The following TTC12 variants were observed in gnomAD, a reference collection of about 807,000 sequenced individuals.
TTC12 encodes the protein tetratricopeptide repeat domain 12, also known as tetratricopeptide repeat protein 12.
In TTC12, 70 loss-of-function variants were observed where a neutral mutation model predicts 90.1. The ratio of observed to expected loss-of-function variants is 0.78; its 90% CI spans 0.64 to 0.95. TTC12 has a LOEUF of 0.95. Among genes scored for constraint, TTC12 ranks in the 40% least tolerant of loss-of-function variants. The pLI is 0.00. For missense variants in TTC12, 819 were observed against 846.1 expected, an observed-to-expected ratio of 0.97 and a Z score of 0.40; for synonymous variants, 296 against 311.5, an observed-to-expected ratio of 0.95 and a Z score of 0.53.
At chr11:113,370,955 C>G (rs936519310), downstream of TTC12, among the ~76,000 whole-genome samples, 1 of 152,134 alleles carries the variant, frequency 6.6e-6, no homozygotes, top group Non-Finnish European at 1.5e-5. Flanking sequence ...GCAACAAGCA[C>G]ACACATACAC....
At chr11:113,336,798 C>G (rs1392562789) in intron 8 of TTC12, among the ~76,000 whole-genome samples, 1 of 152,106 alleles carries the variant, frequency 6.6e-6, no homozygotes, top group Non-Finnish European at 1.5e-5. Context: ...AACTTTGTTC[C>G]TCTACTTTTT....
At chr11:113,341,678 G>T in intron 11 of TTC12, 159 bp from the exon 12 acceptor site, 1 of 639,054 alleles carries the variant, frequency 1.6e-6, no homozygotes, top group Non-Finnish European at 2.8e-6. Flanking sequence ...GGGACTCATG[G>T]TTCCGTGATT....
intron 2 of TTC12, among the ~76,000 whole-genome samples, chr11:113,322,073 A>G (rs558435103): frequency 2.0e-5 from 3 of 152,350 alleles, no homozygotes; most frequent in Admixed American, 6.5e-5. Context: ...GAGAAAAGAT[A>G]CCATCAACTT....
chr11:113,364,968 C>A lies in TTC12; in HGVS notation c.1950C>A (p.Val650=). The change falls in exon 21 of 22, where the codon GTC becomes GTA. Residue 650 remains valine, a synonymous_variant. Coordinates refer to ENST00000529221, the MANE Select transcript of TTC12 (RefSeq NM_017868.4). ...SSLLKTDLLQ[V]LLKLAGSDTQ... The stretch of plus-strand genomic sequence containing the variant: ...TGCTAAAGACGGACCTTTTGCAGGT[C>A]TTGTTAAAGCTTGCAGGCAGTGACA... The A allele has an allele frequency of 6.2e-7, 1 of 1,614,140 alleles. No individual in the cohort carries two copies. Among genetic ancestry groups the A allele is most frequent in the South Asian group, 1.1e-5 (1 of 91,074 alleles).
chr11:113,335,892 G>T (rs1948344272), intron 8 of TTC12, among the ~76,000 whole-genome samples: 1 of 152,110 alleles, frequency 6.6e-6, no homozygotes, highest in Admixed American at 6.5e-5. Context: ...ACATTCATGT[G>T]CAGGGTTTTC....
rs782103471 is a variant in TTC12, at chr11:113,324,680, A to G, written c.320A>G (p.Asp107Gly). The change falls in exon 5 of 22, where the codon GAT becomes GGT. Residue 107 changes from aspartate (D) to glycine (G), a missense_variant and splice_region_variant. Physicochemically the swap from Asp to Gly is moderately conservative, Grantham distance 94 (BLOSUM62 -1). Transcript: ENST00000529221. The part of the protein sequence containing the change: ...KRRRENKVLA[D>G]ALKEKGNEAF... Reference sequence around the variant, plus strand: ...AGAAGGGAAAACAAAGTCTTGGCGGATGGTAATTGTCAGTCCTTACTTTTC... The same window carrying G: ...AGAAGGGAAAACAAAGTCTTGGCGGGTGGTAATTGTCAGTCCTTACTTTTC... The G allele has an allele frequency of 1.2e-6, 2 of 1,613,642 alleles. No homozygotes were observed.
At chr11:113,332,542 C>A (rs546113717) in intron 7 of TTC12, among the ~76,000 whole-genome samples, 2 of 152,294 alleles carry the variant, frequency 1.3e-5, no homozygotes, top group South Asian at 4.1e-4. Flanking sequence ...TTTCCTGCTT[C>A]CTCAATTTTA....
At chr11:113,320,992 A>G (rs1555138176) in intron 2 of TTC12, among the ~76,000 whole-genome samples, 2 of 152,198 alleles carry the variant, frequency 1.3e-5, no homozygotes, top group East Asian at 3.9e-4. Context: ...AGCCTGGACA[A>G]CATAGCAAGA....
At chr11:113,351,111 C>G in intron 14 of TTC12, 128 bp from the exon 15 acceptor site, 7 of 738,786 alleles carry the variant, frequency 9.5e-6, no homozygotes, top group Non-Finnish European at 1.5e-5. Context: ...TTTTTTGGTT[C>G]TGAATTGTCC....
At chr11:113,353,646 G>A (rs1205721175) in intron 16 of TTC12, among the ~76,000 whole-genome samples, 1 of 152,154 alleles carries the variant, frequency 6.6e-6, no homozygotes, top group Non-Finnish European at 1.5e-5. Flanking sequence ...TGTATATTGT[G>A]AAAGGAAGGG....
intron 13 of TTC12, among the ~76,000 whole-genome samples, chr11:113,346,684 G>C (rs1234867240): frequency 6.8e-6 from 1 of 146,830 alleles, no homozygotes; most frequent in Non-Finnish European, 1.5e-5. Flanking sequence ...TTCTGTAGTA[G>C]AGTTAGGAAG....
Position 113,323,324 on chromosome 11 carries a change from T to C in TTC12, c.95T>C (p.Val32Ala), listed in dbSNP as rs1555139356. 2 of 1,608,122 alleles carry C rather than the reference T, an allele frequency of 1.2e-6. No homozygotes were observed. The highest frequency in any genetic ancestry group is 3.4e-5 in the Admixed American group (2 of 58,224). ...LIQEMNSDDP[V>A]VQQKAVLETE... Reference sequence around the variant, plus strand: ...CAGGAGATGAATTCTGATGACCCAGTTGTGCAACAGAAAGCTGTCCTGGAG... The same window carrying C: ...CAGGAGATGAATTCTGATGACCCAGCTGTGCAACAGAAAGCTGTCCTGGAG... The change falls in exon 3 of 22, where the codon GTT becomes GCT. Residue 32 changes from valine (V) to alanine (A), a missense_variant. Val to Ala is a moderately conservative substitution (Grantham distance 64, BLOSUM62 0). Coordinates refer to ENST00000529221, the MANE Select transcript of TTC12 (RefSeq NM_017868.4).
chr11:113,341,550 G>C, intron 11 of TTC12: 1 of 448,918 alleles, frequency 2.2e-6, no homozygotes, highest in South Asian at 2.2e-5. Flanking sequence ...GGAGTCACCA[G>C]TACATGTCTG....
intron 18 of TTC12, 52 bp downstream of exon 18, chr11:113,360,060 T>TTTTG: frequency 8.5e-7 from 1 of 1,171,098 alleles, no homozygotes; most frequent in Non-Finnish European, 1.2e-6. Context: ...TCTTGTTTTG[T>TTTTG]TTTGTTTTGT....
At chr11:113,350,908 T>C (rs1555149933) in intron 14 of TTC12, among the ~76,000 whole-genome samples, 1 of 152,182 alleles carries the variant, frequency 6.6e-6, no homozygotes, top group African/African-American at 2.4e-5. Flanking sequence ...GTATTTGCCT[T>C]CCGCACCGCA....
chr11:113,344,602 A>C (rs908376021), intron 13 of TTC12, among the ~76,000 whole-genome samples, 162 bp downstream of exon 13: 10 of 151,980 alleles, frequency 6.6e-5, no homozygotes, highest in African/African-American at 2.4e-4. Flanking sequence ...TCTGGGACAG[A>C]CTCCTGTCCG....
intron 13 of TTC12, among the ~76,000 whole-genome samples, chr11:113,348,976 T>G (rs1949119773): frequency 6.6e-6 from 1 of 152,252 alleles, no homozygotes. Flanking sequence ...CAGGCTGCTT[T>G]GCCTGACATG....
At chr11:113,359,530 T>G in intron 17 of TTC12, 69 bp downstream of exon 17, 2 of 1,058,298 alleles carry the variant, frequency 1.9e-6, no homozygotes, top group South Asian at 2.7e-5. Flanking sequence ...CATAAAACCA[T>G]TCTCATGTTC....
intron 2 of TTC12, among the ~76,000 whole-genome samples, chr11:113,322,466 GTTT>G (rs1947398555): frequency 6.6e-6 from 1 of 152,164 alleles, no homozygotes; most frequent in Admixed American, 6.5e-5. Context: ...CAGTTTTGTA[GTTT>G]TAATAGCAGG....
Sources: gnomAD v4.1 joint callset for allele counts (sites outside exome capture counted in the v4.1 genomes callset) on GRCh38, gnomAD v4.1.1 for gene constraint, MANE v1.5 for transcripts, NCBI Gene and HGNC (gene_info 2026-07-23, HGNC 2026-07-21) for gene names.